PDE1C: variants seen among roughly 807,000 people sequenced by gnomAD.
PDE1C encodes phosphodiesterase 1C, also known as dual specificity calcium/calmodulin-dependent 3',5'-cyclic nucleotide phosphodiesterase 1C.
PDE1C carries 62 observed loss-of-function variants against 93.1 expected under a neutral mutation model. The observed-to-expected ratio is 0.67, with a 90% CI of 0.54 to 0.82. The LOEUF is 0.82. PDE1C is among the 40% of genes least tolerant of loss of function. PDE1C has a pLI of 0.00. For missense variants in PDE1C, 742 were observed against 884.6 expected, an observed-to-expected ratio of 0.84 and a Z score of 2.04; for synonymous variants, 325 against 310.1, an observed-to-expected ratio of 1.05 and a Z score of -0.50.
chr7:32,245,863 A>T (rs1483471968), intron 1 of PDE1C, among the ~76,000 whole-genome samples: 2 of 151,866 alleles, frequency 1.3e-5, no homozygotes, highest in African/African-American at 2.4e-5. Flanking sequence ...ACTAATCTCA[A>T]CCACAAGGAC....
chr7:32,282,999 G>A (rs1348889585), intron 1 of PDE1C, among the ~76,000 whole-genome samples: 1 of 152,194 alleles, frequency 6.6e-6, no homozygotes, highest in Non-Finnish European at 1.5e-5. Flanking sequence ...AGACATTGGA[G>A]AGTGGGAGTT....
intron 2 of PDE1C, among the ~76,000 whole-genome samples, chr7:32,196,610 A>T (rs1046330626): frequency 7.2e-5 from 11 of 152,164 alleles, no homozygotes; most frequent in Non-Finnish European, 1.2e-4. Context: ...AAATAGGAAA[A>T]TGTATGTCTA....
intron 2 of PDE1C, among the ~76,000 whole-genome samples, chr7:32,175,293 C>T (rs1802909955): frequency 6.6e-6 from 1 of 152,218 alleles, no homozygotes; most frequent in East Asian, 1.9e-4. Context: ...TAATGAGTCA[C>T]ACACATTTTT....
chr7:32,205,311 C>A (rs1805350515), intron 2 of PDE1C, among the ~76,000 whole-genome samples: 1 of 152,202 alleles, frequency 6.6e-6, no homozygotes, highest in Admixed American at 6.5e-5. Context: ...TCATCCACAA[C>A]AACTTGGAAA....
chr7:31,622,934 A>C, the PDE1C span, among the ~76,000 whole-genome samples: 1 of 152,232 alleles, frequency 6.6e-6, no homozygotes, highest in African/African-American at 2.4e-5. Context: ...ATCACCACCA[A>C]TCCCACAGAA....
At chr7:31,649,532 T>G in the PDE1C span, among the ~76,000 whole-genome samples, 3 of 152,200 alleles carry the variant, frequency 2.0e-5, no homozygotes, top group African/African-American at 7.2e-5. Flanking sequence ...CATGGATGCC[T>G]CTAAAGTATT....
chr7:32,043,439 A>T (rs1049218468), intron 2 of PDE1C, among the ~76,000 whole-genome samples: 1 of 152,226 alleles, frequency 6.6e-6, no homozygotes. Context: ...ATGCCTGGGC[A>T]TAAGTGCTAT....
chr7:31,782,672 C>T (rs954711691), intron 16 of PDE1C, among the ~76,000 whole-genome samples: 5 of 152,194 alleles, frequency 3.3e-5, no homozygotes, highest in Admixed American at 6.5e-5. Context: ...CCACTTTTAT[C>T]CCCACAAAGG....
intron 9 of PDE1C, among the ~76,000 whole-genome samples, chr7:31,841,225 C>A (rs112943908): frequency 4.1e-4 from 37 of 89,644 alleles, no homozygotes; most frequent in Admixed American, 9.8e-4. Flanking sequence ...CTCTCTCTCT[C>A]TCTATATATA....
intron 17 of PDE1C, among the ~76,000 whole-genome samples, chr7:31,763,530 A>G (rs777870494): frequency 6.6e-6 from 1 of 152,176 alleles, no homozygotes; most frequent in Non-Finnish European, 1.5e-5. Context: ...TAAGTAAATA[A>G]TCTGTTCTAG....
At chr7:32,186,108 T>C (rs1277032894) in intron 2 of PDE1C, among the ~76,000 whole-genome samples, 1 of 119,944 alleles carries the variant, frequency 8.3e-6, no homozygotes, top group Admixed American at 8.4e-5. Flanking sequence ...TTTTTTTTTT[T>C]TTTTTGAGAC....
chr7:31,621,293 GA>G, the PDE1C span, among the ~76,000 whole-genome samples: 71,048 of 134,874 alleles, frequency 0.53, 18,680 homozygotes, highest in East Asian at 0.8. Flanking sequence ...GCAACTCCAA[GA>G]CACATAATTG....
chr7:31,732,282 C>T, the PDE1C span, among the ~76,000 whole-genome samples: 3 of 152,096 alleles, frequency 2.0e-5, no homozygotes, highest in Non-Finnish European at 4.4e-5. Flanking sequence ...TTGGACACCA[C>T]CTGGACATCA....
chr7:31,708,526 A>G, the PDE1C span: 1 of 152,254 alleles, frequency 6.6e-6, no homozygotes, highest in Non-Finnish European at 1.5e-5. Flanking sequence ...AGAGATTGCA[A>G]AAGAGACTCA....
intron 3 of PDE1C, among the ~76,000 whole-genome samples, chr7:32,148,867 G>A (rs754007280): frequency 4.3e-4 from 65 of 152,056 alleles, no homozygotes; most frequent in Middle Eastern, 3.2e-3. Context: ...CAATAATTGT[G>A]GATTTCAGTT....
At chr7:32,061,436 G>A (rs1425658627) in intron 1 of PDE1C, among the ~76,000 whole-genome samples, 3 of 152,216 alleles carry the variant, frequency 2.0e-5, no homozygotes, top group African/African-American at 7.2e-5. Context: ...CATATCCATG[G>A]AGGCACCTCT....
the PDE1C span, among the ~76,000 whole-genome samples, chr7:31,688,837 A>G: frequency 6.6e-6 from 1 of 152,218 alleles, no homozygotes; most frequent in Non-Finnish European, 1.5e-5. Flanking sequence ...ATTCTGTCAA[A>G]CAACCACAAC....
At chr7:32,157,886 T>C (rs1342059165) in intron 3 of PDE1C, among the ~76,000 whole-genome samples, 1 of 152,210 alleles carries the variant, frequency 6.6e-6, no homozygotes, top group Non-Finnish European at 1.5e-5. Context: ...CAAAATATTA[T>C]TTTAAAAAAC....
At chr7:31,989,070 G>C (rs949107426) in intron 2 of PDE1C, among the ~76,000 whole-genome samples, 5 of 136,100 alleles carry the variant, frequency 3.7e-5, no homozygotes, top group Admixed American at 2.2e-4. Context: ...AGAGAAGAAA[G>C]AAAGAGAGAG....
Sources: gnomAD v4.1 joint callset for allele counts (sites outside exome capture counted in the v4.1 genomes callset) on GRCh38, gnomAD v4.1.1 for gene constraint, MANE v1.5 for transcripts, NCBI Gene and HGNC (gene_info 2026-07-23, HGNC 2026-07-21) for gene names.